PABPN1L: variants seen among roughly 807,000 people sequenced by gnomAD.
PABPN1L encodes the protein PABPN1 like, cytoplasmic.
Under a neutral mutation model 34.0 loss-of-function variants are expected in PABPN1L, and 45 were observed. That is an observed-to-expected ratio of 1.32 (90% CI 1.04 to 1.70). PABPN1L has a LOEUF of 1.70. Among genes scored for constraint, PABPN1L ranks in the 40% most tolerant of loss-of-function variants. The probability of loss-of-function intolerance (pLI) is 0.00; values close to 1 mark genes in which losing one functional copy is unlikely to be tolerated. For synonymous variants in PABPN1L, 182 were observed against 152.1 expected, an observed-to-expected ratio of 1.20 and a Z score of -1.45; for missense variants, 459 against 367.8, an observed-to-expected ratio of 1.25 and a Z score of -2.03.
At chr16:88,866,651 C>T (rs768349908), upstream of PABPN1L, 18 of 1,492,960 alleles carry the variant, frequency 1.2e-5, no homozygotes, top group Middle Eastern at 6.8e-4. Context: ...GCCTCCCCTC[C>T]ACTCCCCTCG....
chr16:88,864,152 G>C, intron 6 of PABPN1L, 85 bp downstream of exon 6: 1 of 1,448,336 alleles, frequency 6.9e-7, no homozygotes, highest in Non-Finnish European at 9.1e-7. Context: ...GCCCCATGAG[G>C]AACGAGCTCA....
rs188780837 is a variant in PABPN1L, at chr16:88,864,709, G to T, written c.654+144C>A. ...ACCCAGCTTCAGGTCCGAGGGTCCC[G>T]CCACATCCTGTCCAGGCCCAGCCAA... is the stretch of plus-strand genomic sequence containing the variant. On this transcript the variant is annotated intron_variant, in intron 5 of 6. Transcript: ENST00000419291. The T allele has an allele frequency of 2.4e-4, 242 of 992,752 alleles. No individual in the cohort carries two copies. The East Asian group carries it at 5.3e-3, about 22-fold the overall frequency. The allele number at this position is 992,752 out of a possible 1,614,324, so 61.5% of individuals were successfully genotyped here. A position where few individuals can be genotyped will look rare whatever the true frequency, so the allele number is the denominator to read the frequency against.
chr16:88,864,416 GCAGCC>G (rs1339238209), intron 5 of PABPN1L, 37 bp from the exon 6 acceptor site: 11 of 1,539,490 alleles, frequency 7.1e-6, no homozygotes, highest in Non-Finnish European at 9.6e-6. Context: ...TCCTCAAGGA[GCAGCC>G]GAGACCCAGC....
upstream of PABPN1L, among the ~76,000 whole-genome samples, chr16:88,867,582 G>A (rs1054103126): frequency 2.0e-5 from 3 of 152,106 alleles, no homozygotes; most frequent in Non-Finnish European, 2.9e-5. Context: ...TTATTCTGCT[G>A]TGGGGCGGGG....
At chr16:88,865,170 C>T in intron 3 of PABPN1L, 42 bp from the exon 4 acceptor site, 2 of 1,540,758 alleles carry the variant, frequency 1.3e-6, no homozygotes, top group Non-Finnish European at 1.8e-6. Flanking sequence ...AGACGCCTGG[C>T]CCTGACTCGG....
At chr16:88,867,936 A>G (rs1968634399), upstream of PABPN1L, among the ~76,000 whole-genome samples, 1 of 152,180 alleles carries the variant, frequency 6.6e-6, no homozygotes, top group Non-Finnish European at 1.5e-5. Context: ...GGCCGAGGCC[A>G]TCCTCTCTGT....
chr16:88,865,782 G>A (rs376431953), intron 2 of PABPN1L, 24 bp downstream of exon 2: 44 of 1,589,856 alleles, frequency 2.8e-5, no homozygotes, highest in Admixed American at 1.0e-4. Flanking sequence ...TCAGTGGGGG[G>A]CGGCCTGTGC....
intron 2 of PABPN1L, 83 bp from the exon 3 acceptor site, chr16:88,865,713 G>T: frequency 6.4e-7 from 1 of 1,554,002 alleles, no homozygotes; most frequent in Non-Finnish European, 8.7e-7. Flanking sequence ...GGCTTATAGG[G>T]GAGGTGACAC....
chr16:88,867,324 T>A (rs1265068963), upstream of PABPN1L, among the ~76,000 whole-genome samples: 1 of 151,634 alleles, frequency 6.6e-6, no homozygotes, highest in African/African-American at 2.4e-5. Flanking sequence ...GCCTCCCAGG[T>A]TCGGGTGATT....
chr16:88,867,431 A>G (rs1968625915), upstream of PABPN1L, among the ~76,000 whole-genome samples: 1 of 151,916 alleles, frequency 6.6e-6, no homozygotes, highest in Non-Finnish European at 1.5e-5. Flanking sequence ...GGGTTTCACC[A>G]TGTTGCCCAG....
chr16:88,864,773 C>T (rs1429341114), intron 5 of PABPN1L, 80 bp downstream of exon 5: 5 of 1,417,040 alleles, frequency 3.5e-6, no homozygotes, highest in African/African-American at 1.4e-5. Flanking sequence ...GAGGAGCCAG[C>T]TGGGGCTGCT....
chr16:88,864,314 G>A (rs1343182959), exon 6 of PABPN1L: 5 of 1,555,512 alleles, frequency 3.2e-6, no homozygotes, highest in Non-Finnish European at 4.4e-6. Flanking sequence ...TGGAGCCTGG[G>A]TGTCCTCGAA....
At chr16:88,866,799 G>T, upstream of PABPN1L, 2 of 747,860 alleles carry the variant, frequency 2.7e-6, no homozygotes, top group East Asian at 2.8e-5. Context: ...CCTGTCACTC[G>T]GACAGGTACC....
chr16:88,865,907 A>G, exon 2 of PABPN1L: 9 of 1,609,218 alleles, frequency 5.6e-6, no homozygotes, highest in South Asian at 1.1e-5. Context: ...GGCCTGCTCC[A>G]TGGCACACAC....
rs775090645 is a variant in PABPN1L at position 88,865,687 on chromosome 16, C to T, written c.392-57G>A. On this transcript the variant is annotated intron_variant, in intron 2 of 6. Transcript: ENST00000419291. Reference sequence around the variant, plus strand: ...CTTGGTTCCTTCCTCACTCCTCTCACGGGGAAGGTCGCCCAGGCTTATAGG... The same window carrying T: ...CTTGGTTCCTTCCTCACTCCTCTCATGGGGAAGGTCGCCCAGGCTTATAGG... 8.9e-4 allele frequency: 1,380 copies of T among 1,558,296 alleles called. 2 individuals carry two copies. Among genetic ancestry groups the T allele is most frequent in the Non-Finnish European group, 1.1e-3 (1,269 of 1,149,682 alleles).
At position 88,864,353 on chromosome 16, in the gene PABPN1L, A is replaced by G. The variant is rs777289985; in HGVS notation, c.681T>C (p.Pro227=). 1.9e-6 allele frequency: 3 copies of G among 1,556,340 alleles called. No homozygotes were observed. The Admixed American group carries it at 5.8e-5, about 30-fold the overall frequency. ...CCCCGCGGTCTGTGGAGCTGATCCC[A>G]GGGAAGTTGGTTCTTTTCGGCAGCA... The change falls in exon 6 of 7, where the codon CCT becomes CCC. Residue 227 remains proline, a synonymous_variant. Transcript: ENST00000419291.
Position 88,863,801 on chromosome 16 carries a change from C to G in PABPN1L, c.798-6G>C, listed in dbSNP as rs540229170. 3.9e-6 allele frequency: 6 copies of G among 1,535,838 alleles called. No individual in the cohort carries two copies. Among genetic ancestry groups the G allele is most frequent in the East Asian group, 4.9e-5 (2 of 40,912 alleles). ...GTGAGAATTTTCCACGGGCCCTGCA[C>G]GGAGAGAGAACACACACTGAGTGGC... is the stretch of plus-strand genomic sequence containing the variant. On this transcript the variant is annotated splice_region_variant and splice_polypyrimidine_tract_variant and intron_variant, in intron 6 of 6. Coordinates refer to ENST00000419291, the Ensembl canonical transcript of PABPN1L.
At chr16:88,868,299 C>A (rs1364533927), upstream of PABPN1L, among the ~76,000 whole-genome samples, 1 of 152,188 alleles carries the variant, frequency 6.6e-6, no homozygotes, top group Admixed American at 6.5e-5. Context: ...CTGTGCTCTG[C>A]TTTTTCCAAA....
chr16:88,864,677 A>C (rs530304746), intron 5 of PABPN1L, among the ~76,000 whole-genome samples, 176 bp downstream of exon 5: 1 of 152,124 alleles, frequency 6.6e-6, no homozygotes, highest in East Asian at 1.9e-4. Flanking sequence ...TGCCACTGGC[A>C]GACCAAACCC....
Sources: allele counts gnomAD v4.1 joint callset (sites outside exome capture counted in the v4.1 genomes callset), GRCh38; gene constraint gnomAD v4.1.1; transcripts MANE v1.5; gene names NCBI Gene and HGNC (gene_info 2026-07-23, HGNC 2026-07-21).